TBC1D30: variants seen among roughly 807,000 people sequenced by gnomAD.
TBC1D30 encodes TBC1 domain family, member 30.
Under a neutral mutation model 63.2 loss-of-function variants are expected in TBC1D30, and 31 were observed. That is an observed-to-expected ratio of 0.49 (90% CI 0.37 to 0.66). The LOEUF is 0.66. Ranked by LOEUF, TBC1D30 falls within the 30% of genes least tolerant of loss-of-function variation. The pLI, the probability that TBC1D30 is intolerant of heterozygous loss-of-function variation, is 0.00. For missense variants in TBC1D30, 810 were observed against 953.6 expected (o/e 0.85, Z 1.98); for synonymous variants, 307 against 361.5 (o/e 0.85, Z 1.71).
chr12:64,808,332 C>T (rs1020099312), intron 2 of TBC1D30, among the ~76,000 whole-genome samples: 8 of 152,170 alleles, frequency 5.3e-5, no homozygotes, highest in African/African-American at 1.9e-4. Context: ...GTGCTTACTA[C>T]TTCCAGGGTC....
chr12:64,786,513 G>C (rs988862326), intron 2 of TBC1D30, among the ~76,000 whole-genome samples: 6 of 151,868 alleles, frequency 4.0e-5, no homozygotes, highest in Admixed American at 3.9e-4. Context: ...TGTATTTTTA[G>C]TAGAGACGAG....
At chr12:64,816,691 A>G (rs1873558703) in intron 2 of TBC1D30, among the ~76,000 whole-genome samples, 1 of 152,234 alleles carries the variant, frequency 6.6e-6, no homozygotes, top group Non-Finnish European at 1.5e-5. Flanking sequence ...GAGGACATTT[A>G]TGATCTCCTG....
At chr12:64,796,440 C>T (rs1469956076) in intron 2 of TBC1D30, among the ~76,000 whole-genome samples, 1 of 152,018 alleles carries the variant, frequency 6.6e-6, no homozygotes, top group Non-Finnish European at 1.5e-5. Context: ...GGAGCTCCTT[C>T]CCTTAAGCTT....
intron 2 of TBC1D30, among the ~76,000 whole-genome samples, chr12:64,803,792 A>G (rs1239751745): frequency 1.3e-5 from 2 of 152,148 alleles, no homozygotes; most frequent in African/African-American, 4.8e-5. Flanking sequence ...CAGGTTTGTC[A>G]AAGATCAGAT....
upstream of TBC1D30, among the ~76,000 whole-genome samples, chr12:64,777,088 G>A (rs1057251444): frequency 1.3e-5 from 2 of 152,126 alleles, no homozygotes; most frequent in African/African-American, 4.8e-5. Flanking sequence ...CAATAAACTA[G>A]GTATTGAAGT....
chr12:64,812,159 C>T (rs1218809273), intron 2 of TBC1D30, among the ~76,000 whole-genome samples: 1 of 152,104 alleles, frequency 6.6e-6, no homozygotes, highest in East Asian at 1.9e-4. Context: ...GAATTATCTA[C>T]TTATATTTAT....
In TBC1D30 at chr12:64,879,655, A is replaced by G. The variant is rs1197943269; in HGVS notation, c.*3867A>G. On this transcript the variant is annotated 3_prime_UTR_variant, in exon 12 of 12. Transcript: ENST00000539867. ...GATAATGAACACTCATAACACCCAT[A>G]CCTCATTCCTGACTTTTAAAAGAAG... The G allele has an allele frequency of 1.3e-5, 2 of 152,118 alleles. No individual in the cohort carries two copies. The highest frequency in any genetic ancestry group is 1.9e-4 in the East Asian group (1 of 5,192). 9.4% of individuals were successfully genotyped at this position (152,118 alleles called of 1,614,324 possible).
In TBC1D30 at chr12:64,880,648, T is replaced by C. The variant is rs1313413300; in HGVS notation, c.*4860T>C. 1 of 152,246 alleles carries C rather than the reference T, an allele frequency of 6.6e-6. No homozygotes were observed. Among genetic ancestry groups the C allele is most frequent in the Non-Finnish European group, 1.5e-5 (1 of 68,062 alleles). 9.4% of individuals were successfully genotyped at this position (152,246 alleles called of 1,614,324 possible). A position where few individuals can be genotyped will look rare whatever the true frequency, so the allele number is the denominator to read the frequency against. ...CTTCAAATACCATCACGTTGAAGGT[T>C]GCTTCCTTCCTGGTCGTTTGCTCTG... is the stretch of plus-strand genomic sequence containing the variant. On this transcript the variant is annotated 3_prime_UTR_variant, in exon 12 of 12. Transcript: ENST00000539867.
chr12:64,818,359 C>T, intron 2 of TBC1D30: 1 of 965,386 alleles, frequency 1.0e-6, no homozygotes, highest in African/African-American at 1.8e-5. Flanking sequence ...GGTATCTCTC[C>T]AATTATTCAC....
upstream of TBC1D30, among the ~76,000 whole-genome samples, chr12:64,778,706 A>C (rs192037602): frequency 3.0e-3 from 449 of 152,070 alleles, no homozygotes; most frequent in African/African-American, 0.01. Context: ...TTGTATTTTT[A>C]GTAGTGACGA....
At chr12:64,830,347 G>C (rs776414773) in intron 3 of TBC1D30, 30 bp from the exon 4 acceptor site, 20 of 1,494,228 alleles carry the variant, frequency 1.3e-5, no homozygotes, top group Non-Finnish European at 1.8e-5. Flanking sequence ...TTCTACTTTG[G>C]CATTCTCCTT....
chr12:64,855,977 A>G (rs1369131548), intron 8 of TBC1D30, among the ~76,000 whole-genome samples: 1 of 152,218 alleles, frequency 6.6e-6, no homozygotes, highest in Non-Finnish European at 1.5e-5. Context: ...GCATTGCTAC[A>G]AAGAAATACT....
chr12:64,821,208 A>C (rs1009698495), upstream of TBC1D30, among the ~76,000 whole-genome samples: 25 of 152,388 alleles, frequency 1.6e-4, no homozygotes, highest in African/African-American at 5.5e-4. Flanking sequence ...AAGTGAACTC[A>C]GGGGTATTGA....
chr12:64,822,675 C>CTTTTTT (rs4045050), upstream of TBC1D30, among the ~76,000 whole-genome samples: 4 of 135,686 alleles, frequency 2.9e-5, 1 homozygote, highest in Non-Finnish European at 6.2e-5. Flanking sequence ...ATTTTTGTAG[C>CTTTTTT]TTTTTTTTTT....
chr12:64,875,225 A>C lies in TBC1D30; in HGVS notation c.1723A>C (p.Asn575His). ...AACTCACATCCGAGTCCACAAAAAG[A>C]ACATGCCAAGGACCAAGAGTCATCC... ...WRTHIRVHKK[N>H]MPRTKSHPGC... The change falls in exon 12 of 12, where the codon AAC becomes CAC. Residue 575 changes from asparagine to histidine, a missense_variant. Coordinates refer to ENST00000539867, the MANE Select transcript of TBC1D30 (RefSeq NM_015279.2). The C allele has an allele frequency of 1.3e-6, 2 of 1,536,362 alleles. No homozygotes were observed. Among genetic ancestry groups the C allele is most frequent in the Non-Finnish European group, 1.7e-6 (2 of 1,146,912 alleles).
chr12:64,871,110 A>G (rs1009323495), intron 11 of TBC1D30, among the ~76,000 whole-genome samples: 1 of 152,226 alleles, frequency 6.6e-6, no homozygotes, highest in Admixed American at 6.5e-5. Context: ...TTGCAAAGCC[A>G]TGCAATCCTT....
At chr12:64,778,871 C>G (rs1047997780), upstream of TBC1D30, among the ~76,000 whole-genome samples, 6 of 152,116 alleles carry the variant, frequency 3.9e-5, no homozygotes, top group African/African-American at 1.4e-4. Context: ...AGAGCAGAGT[C>G]ATGCCAATAT....
At chr12:64,803,349 A>AT (rs928258557) in intron 2 of TBC1D30, among the ~76,000 whole-genome samples, 1 of 151,476 alleles carries the variant, frequency 6.6e-6, no homozygotes, top group Non-Finnish European at 1.5e-5. Flanking sequence ...GGGTTGTTTG[A>AT]TTTTTTTCTT....
In TBC1D30 at chr12:64,843,444, A is replaced by G; in HGVS notation, c.997A>G (p.Met333Val). The part of the protein sequence containing the change: ...YSTMGRLTQE[M>V]LENDLLQSHE... Reference sequence around the variant, plus strand: ...CACCATGGGGCGCCTTACCCAGGAGATGCTAGAGAATGATCTTCTGCAAAG... The same window carrying G: ...CACCATGGGGCGCCTTACCCAGGAGGTGCTAGAGAATGATCTTCTGCAAAG... Residue 333 changes from methionine to valine, a missense_variant, in exon 8 of 12, where the codon ATG (methionine) becomes GTG (valine). Physicochemically the swap from Met to Val is conservative, Grantham distance 21 (BLOSUM62 1). Transcript: ENST00000539867. The G allele has an allele frequency of 6.5e-7, 1 of 1,536,192 alleles. No homozygotes were observed. Among genetic ancestry groups the G allele is most frequent in the East Asian group, 2.4e-5 (1 of 40,918 alleles).
Sources: gnomAD v4.1 joint callset for allele counts (sites outside exome capture counted in the v4.1 genomes callset) on GRCh38, gnomAD v4.1.1 for gene constraint, MANE v1.5 for transcripts, NCBI Gene and HGNC (gene_info 2026-07-23, HGNC 2026-07-21) for gene names.